GOLGA3: variants seen among roughly 807,000 people sequenced by gnomAD.
The protein encoded by GOLGA3 is golgin A3.
GOLGA3 carries 75 observed loss-of-function variants against 169.4 expected under a neutral mutation model. The observed-to-expected ratio is 0.44, with a 90% CI of 0.37 to 0.54. The LOEUF (loss-of-function observed/expected upper bound fraction) is 0.54, where lower values mean the gene tolerates loss of function less well. GOLGA3 is among the 20% of genes least tolerant of loss of function. GOLGA3 has a pLI of 0.00. For missense variants in GOLGA3, 1,899 were observed against 1,930.0 expected, an observed-to-expected ratio of 0.98 and a Z score of 0.30; for synonymous variants, 824 against 822.4, an observed-to-expected ratio of 1.00 and a Z score of -0.03.
In GOLGA3 at chr12:132,798,496, A is replaced by T. The variant is rs781154826; in HGVS notation, c.1801-19T>A. The T allele has an allele frequency of 3.8e-6, 6 of 1,583,822 alleles. No homozygotes were observed. The highest frequency in any genetic ancestry group is 1.9e-5 in the Admixed American group (1 of 52,530). On this transcript the variant is annotated intron_variant, in intron 8 of 23. Transcript: ENST00000450791. ...GTCCAACCTTAAAAAAAAAACCCAC[A>T]AAGTAAAAAGTTGCTCAATTTCAAG... is the stretch of plus-strand genomic sequence containing the variant.
chr12:132,786,583 G>C (rs2045911696), intron 14 of GOLGA3, 28 bp from the exon 15 acceptor site: 2 of 1,608,970 alleles, frequency 1.2e-6, no homozygotes, highest in Admixed American at 3.3e-5. Flanking sequence ...AGACACAGGA[G>C]GAAGCTGAAT....
chr12:132,826,206 C>A (rs1009406431), intron 1 of GOLGA3: 60 of 1,514,964 alleles, frequency 4.0e-5, no homozygotes, highest in Middle Eastern at 4.9e-4. Context: ...TCAGCCCGCT[C>A]CCCACAATGA....
intron 4 of GOLGA3, among the ~76,000 whole-genome samples, chr12:132,809,557 C>T (rs1354701385): frequency 6.6e-6 from 1 of 152,124 alleles, no homozygotes; most frequent in Non-Finnish European, 1.5e-5. Flanking sequence ...CAGACACTGG[C>T]TTCACCGCTA....
At chr12:132,821,408 G>GA (rs34162286) in intron 2 of GOLGA3, among the ~76,000 whole-genome samples, 28 of 147,486 alleles carry the variant, frequency 1.9e-4, no homozygotes, top group African/African-American at 7.0e-4. Flanking sequence ...ACTCCACGTC[G>GA]AAAAAAAAAA....
At position 132,789,018 on chromosome 12, in the gene GOLGA3, C is replaced by G. The variant is rs781279732; in HGVS notation, c.2811+9G>C. 2.0e-6 allele frequency: 3 copies of G among 1,497,986 alleles called. No homozygotes were observed. Among genetic ancestry groups the G allele is most frequent in the Non-Finnish European group, 2.7e-6 (3 of 1,110,748 alleles). 92.8% of individuals were successfully genotyped at this position (1,497,986 alleles called of 1,614,324 possible). A position where few individuals can be genotyped will look rare whatever the true frequency, so the allele number is the denominator to read the frequency against. ...CCCCATCAAATGAGTCAACCCGACA[C>G]GGACAGACCTGCAAGTGTGTTTCCA... is the stretch of plus-strand genomic sequence containing the variant. On this transcript the variant is annotated intron_variant, in intron 13 of 23. Transcript: ENST00000450791.
chr12:132,779,577 T>C (rs1184651797), intron 18 of GOLGA3, among the ~76,000 whole-genome samples: 4 of 152,224 alleles, frequency 2.6e-5, no homozygotes, highest in Non-Finnish European at 5.9e-5. Context: ...AAGCAATTAC[T>C]TTTTTACAAG....
chr12:132,819,614 C>T (rs1207789823), intron 2 of GOLGA3, among the ~76,000 whole-genome samples: 2 of 152,208 alleles, frequency 1.3e-5, no homozygotes, highest in African/African-American at 4.8e-5. Context: ...AAAGAAAAAC[C>T]AGAATAAAAG....
At position 132,822,096 on chromosome 12, in the gene GOLGA3, G is replaced by C. The variant is rs749913642; in HGVS notation, c.33C>G (p.Leu11=). The C allele has an allele frequency of 2.5e-6, 4 of 1,608,546 alleles. No homozygotes were observed. Among genetic ancestry groups the C allele is most frequent in the Non-Finnish European group, 8.5e-7 (1 of 1,178,074 alleles). The change falls in exon 2 of 24, where the codon CTC becomes CTG. Residue 11 remains leucine (L), a synonymous_variant. Transcript: ENST00000450791. ...GGCCACTGTGGGATCTGTCCTCCTGGAGGCCATCTTGCTCGGCCGACGCGC... is the reference window on the plus strand; with the variant it reads ...GGCCACTGTGGGATCTGTCCTCCTGCAGGCCATCTTGCTCGGCCGACGCGC... MDGASAEQDG[L]QEDRSHSGPS... is the part of the protein sequence containing the mutation.
chr12:132,772,882 T>C lies in GOLGA3; in HGVS notation c.*223A>G. ...CGTTCAAAGCTCCTCGCCGAGAGCC[T>C]ATCAGGCTTTTAAGAGTTGGTCATT... On this transcript the variant is annotated 3_prime_UTR_variant, in exon 24 of 24. Coordinates refer to ENST00000450791, the MANE Select transcript of GOLGA3 (RefSeq NM_001389683.1). The C allele has an allele frequency of 2.1e-6, 1 of 482,488 alleles. No individual in the cohort carries two copies. Among genetic ancestry groups the C allele is most frequent in the South Asian group, 2.9e-5 (1 of 34,794 alleles). 29.9% of individuals were successfully genotyped at this position (482,488 alleles called of 1,614,324 possible).
rs905444925 is a variant in GOLGA3, at chr12:132,828,852, G to A, written c.-233C>T. The A allele has an allele frequency of 2.0e-5, 3 of 152,278 alleles. No homozygotes were observed. The highest frequency in any genetic ancestry group is 7.2e-5 in the African/African-American group (3 of 41,468). 9.4% of individuals were successfully genotyped at this position (152,278 alleles called of 1,614,324 possible). On this transcript the variant is annotated 5_prime_UTR_variant, in exon 1 of 24. Transcript: ENST00000450791. ...GCCGCCCGGCCCGGATGCTCCGGCG[G>A]AGACGTGGCCGTGAGAGGGGCGGGG...
In GOLGA3 at chr12:132,798,396, G is replaced by C. The variant is rs749476848; in HGVS notation, c.1882C>G (p.Gln628Glu). ...CCCTTCTCCTTCATGGACCTGTGCT[G>C]AGTTTCCGTCAGCTGCTGGGACAGG... ...VSLSQQLTET[Q>E]HRSMKEKGRI... Residue 628 changes from glutamine (Q) to glutamate (E), a missense_variant, in exon 9 of 24, where the codon CAG becomes GAG. Transcript: ENST00000450791. The C allele has an allele frequency of 1.2e-6, 2 of 1,613,672 alleles. No individual in the cohort carries two copies. The highest frequency in any genetic ancestry group is 2.7e-5 in the African/African-American group (2 of 74,926).
intron 4 of GOLGA3, chr12:132,811,858 T>G: frequency 1.1e-6 from 1 of 943,466 alleles, no homozygotes; most frequent in Non-Finnish European, 1.3e-6. Flanking sequence ...TTTTGAAACA[T>G]GACATAGGCT....
intron 13 of GOLGA3, among the ~76,000 whole-genome samples, chr12:132,787,541 T>C (rs1194072213): frequency 1.6e-3 from 6 of 3,786 alleles, no homozygotes; most frequent in Admixed American, 3.7e-3. Flanking sequence ...CCCAGACCCC[T>C]CCCCCAGAGC....
intron 1 of GOLGA3, among the ~76,000 whole-genome samples, chr12:132,823,654 G>A (rs1371530708): frequency 6.6e-6 from 1 of 151,932 alleles, no homozygotes; most frequent in East Asian, 1.9e-4. Flanking sequence ...AGGCGTGGTG[G>A]CAGGCGCCTG....
In GOLGA3 at chr12:132,777,636, T is replaced by G; in HGVS notation, c.3722+30A>C. ...CCCGCCCATTGCCAGGACAGCCATG[T>G]TTGAGGGCTGGCGGGGCCCAGGCAC... On this transcript the variant is annotated intron_variant, in intron 19 of 23. Coordinates refer to ENST00000450791, the MANE Select transcript of GOLGA3 (RefSeq NM_001389683.1). This position sits in a 1 kb window ranked among gnomAD's most constrained non-coding sequence, Gnocchi z 4.7. The G allele has an allele frequency of 6.2e-7, 1 of 1,612,486 alleles. No homozygotes were observed. The highest frequency in any genetic ancestry group is 1.1e-5 in the South Asian group (1 of 90,996).
chr12:132,796,990 C>T (rs1038601830), intron 9 of GOLGA3, among the ~76,000 whole-genome samples: 4 of 152,210 alleles, frequency 2.6e-5, no homozygotes, highest in Non-Finnish European at 5.9e-5. Context: ...TGCCTCCTTT[C>T]GGGAGTGAGA....
intron 15 of GOLGA3, among the ~76,000 whole-genome samples, chr12:132,784,826 C>T (rs1218179556): frequency 6.6e-6 from 1 of 151,768 alleles, no homozygotes; most frequent in Non-Finnish European, 1.5e-5. Context: ...ACATACACCC[C>T]ACACTGCATG....
rs1949494439 is a variant in GOLGA3 at position 132,807,889 on chromosome 12, A to T, written c.1178+2T>A. ...CCCGCCCACCTCTGCTGTCCCCACC[A>T]CCTGCTGCAGATGCTGTCTCTCCGA... On this transcript the variant is annotated splice_donor_variant, in intron 5 of 23. Coordinates refer to ENST00000450791, the MANE Select transcript of GOLGA3 (RefSeq NM_001389683.1). LOFTEE classifies it high-confidence loss of function. 1.0e-6 allele frequency: 1 copy of T among 958,522 alleles called. No homozygotes were observed. The highest frequency in any genetic ancestry group is 2.3e-5 in the Admixed American group (1 of 43,468). 59.4% of individuals were successfully genotyped at this position (958,522 alleles called of 1,614,324 possible).
At chr12:132,781,921 G>A (rs1301044729) in intron 17 of GOLGA3, among the ~76,000 whole-genome samples, 3 of 148,596 alleles carry the variant, frequency 2.0e-5, no homozygotes, top group Admixed American at 1.3e-4. Flanking sequence ...AACTAAGCAG[G>A]TCTGCCCCCC....
Sources: allele counts gnomAD v4.1 joint callset (sites outside exome capture counted in the v4.1 genomes callset), GRCh38; gene constraint gnomAD v4.1.1; non-coding constraint Gnocchi (gnomAD v3.1); transcripts MANE v1.5; gene names NCBI Gene and HGNC (gene_info 2026-07-23, HGNC 2026-07-21).